SMAP1: variants seen among roughly 807,000 people sequenced by gnomAD.
SMAP1 encodes stromal membrane-associated protein 1.
Under a neutral mutation model 58.5 loss-of-function variants are expected in SMAP1, and 24 were observed. The observed-to-expected ratio is 0.41, with a 90% CI of 0.30 to 0.58. The LOEUF is 0.58. SMAP1 is among the 20% of genes least tolerant of loss of function. The pLI is 0.29. For synonymous variants in SMAP1, 216 were observed against 196.6 expected (o/e 1.10, Z -0.82); for missense variants, 563 against 566.3 (o/e 0.99, Z 0.06).
At chr6:70,743,976 A>G (rs1562128416) in intron 2 of SMAP1, among the ~76,000 whole-genome samples, 1 of 152,280 alleles carries the variant, frequency 6.6e-6, no homozygotes, top group Non-Finnish European at 1.5e-5. Flanking sequence ...ATTATGCCCT[A>G]TATTTTCTTT....
At chr6:70,845,517 GAATAA>G (rs1430076880) in intron 7 of SMAP1, among the ~76,000 whole-genome samples, 2 of 152,166 alleles carry the variant, frequency 1.3e-5, no homozygotes, top group Non-Finnish European at 2.9e-5. Flanking sequence ...AGCTAGAGGA[GAATAA>G]AATAAGTTTA....
chr6:70,752,298 A>T lies in SMAP1; in HGVS notation c.253-2682A>T, dbSNP rs529638982. Among the ~76,000 whole-genome samples, 7 of 152,356 alleles carry T rather than the reference A, an allele frequency of 4.6e-5. No homozygotes were observed. In the East Asian group the frequency reaches 1.3e-3, roughly 29 times the overall value. On this transcript the variant is annotated intron_variant, in intron 2 of 10. Coordinates refer to ENST00000370455, the MANE Select transcript of SMAP1 (RefSeq NM_001044305.3). ...GCTGTTAGTAAGCCCTGCAGGACAT[A>T]GTCCCAGTTCCACTGGATGAAGCCT... is the stretch of plus-strand genomic sequence containing the variant.
Position 70,811,493 on chromosome 6 carries a change from T to G in SMAP1, c.576+12756T>G, listed in dbSNP as rs76672649. 4.7e-3 allele frequency among the ~76,000 whole-genome samples: 718 copies of G among 152,154 alleles called. 2 individuals carry two copies. The highest frequency in any genetic ancestry group is 0.017 in the African/African-American group (694 of 41,500). On this transcript the variant is annotated intron_variant, in intron 6 of 10. Coordinates refer to ENST00000370455, the MANE Select transcript of SMAP1 (RefSeq NM_001044305.3). ...TACGCGATCCTCGGGAGGGCACCGG[T>G]GAGATCAGTCAAGGCTTCCTTTGAA...
chr6:70,731,554 T>A (rs1765433835), intron 1 of SMAP1, among the ~76,000 whole-genome samples: 1 of 152,240 alleles, frequency 6.6e-6, no homozygotes, highest in South Asian at 2.1e-4. Context: ...ACATCCTCTT[T>A]CCTTACCACC....
intron 6 of SMAP1, among the ~76,000 whole-genome samples, chr6:70,821,763 C>G (rs1442341682): frequency 1.3e-5 from 2 of 152,076 alleles, no homozygotes; most frequent in African/African-American, 4.8e-5. Context: ...TGCCCGCAAG[C>G]CTAGAAGAAG....
chr6:70,845,989 A>G (rs1770973277), intron 7 of SMAP1, among the ~76,000 whole-genome samples: 1 of 152,198 alleles, frequency 6.6e-6, no homozygotes, highest in African/African-American at 2.4e-5. Context: ...TGTGTCTATG[A>G]AAACAGAGGA....
intron 4 of SMAP1, among the ~76,000 whole-genome samples, chr6:70,782,838 A>G (rs1767818522): frequency 1.3e-5 from 2 of 152,230 alleles, no homozygotes; most frequent in Non-Finnish European, 2.9e-5. Flanking sequence ...TGTGGAGCCA[A>G]GATGGCTGAA....
chr6:70,859,615 A>T (rs535781846), intron 10 of SMAP1: 26 of 388,282 alleles, frequency 6.7e-5, no homozygotes, highest in Non-Finnish European at 1.1e-4. Context: ...TTTTGGAAGT[A>T]AGAGAATCAC....
At chr6:70,686,609 A>G (rs1476947384) in intron 1 of SMAP1, among the ~76,000 whole-genome samples, 1 of 152,150 alleles carries the variant, frequency 6.6e-6, no homozygotes, top group African/African-American at 2.4e-5. Context: ...TTGCTTTCTT[A>G]TCTTACAGAA....
chr6:70,783,504 G>C (rs900950519), intron 4 of SMAP1, among the ~76,000 whole-genome samples: 3 of 152,124 alleles, frequency 2.0e-5, no homozygotes, highest in African/African-American at 7.2e-5. Context: ...AAACTACTCC[G>C]AGCTACGGGA....
At chr6:70,737,868 C>G (rs1259639121) in intron 2 of SMAP1, among the ~76,000 whole-genome samples, 1 of 152,148 alleles carries the variant, frequency 6.6e-6, no homozygotes, top group Non-Finnish European at 1.5e-5. Flanking sequence ...GATCTCTGTC[C>G]TTTTCACCTC....
rs372729321 is a variant in SMAP1, at chr6:70,856,752, A to G, written c.790-107A>G. The G allele has an allele frequency of 2.8e-4, 334 of 1,177,642 alleles. 7 individuals are homozygous for G. The South Asian group carries it at 5.8e-3, about 20-fold the overall frequency. The allele number at this position is 1,177,642 out of a possible 1,614,324, so 72.9% of individuals were successfully genotyped here. On this transcript the variant is annotated intron_variant, in intron 8 of 10. Coordinates refer to ENST00000370455, the MANE Select transcript of SMAP1 (RefSeq NM_001044305.3). Reference sequence around the variant, plus strand: ...GAATGGCACCATTTTACCTTCTACAATTGTTTGATTCCTATCTAATTTTAT... The same window carrying G: ...GAATGGCACCATTTTACCTTCTACAGTTGTTTGATTCCTATCTAATTTTAT...
intron 6 of SMAP1, among the ~76,000 whole-genome samples, chr6:70,835,085 T>TA (rs371546229): frequency 2.9e-3 from 396 of 137,956 alleles, no homozygotes; most frequent in Admixed American, 4.7e-3. Flanking sequence ...CTGTTTCTAC[T>TA]AAAAAAAAAA....
chr6:70,834,879 G>A lies in SMAP1; in HGVS notation c.577-2062G>A, dbSNP rs527639827. On this transcript the variant is annotated intron_variant, in intron 6 of 10. Transcript: ENST00000370455. ...AGAGGTTGAAAAGTGAAAGAATAGA[G>A]AATGTGAAATGGATTATGTTAAACT... Among the ~76,000 whole-genome samples the A allele has an allele frequency of 2.0e-5, 3 of 152,300 alleles. No homozygotes were observed. In the East Asian group the frequency reaches 5.8e-4, roughly 29 times the overall value.
intron 1 of SMAP1, among the ~76,000 whole-genome samples, chr6:70,699,966 A>C (rs937022336): frequency 2.0e-5 from 3 of 151,790 alleles, no homozygotes; most frequent in Admixed American, 2.0e-4. Flanking sequence ...CCTCAAGCAG[A>C]AGGTGATATG....
chr6:70,706,392 G>A (rs545446502), intron 1 of SMAP1, among the ~76,000 whole-genome samples: 4 of 152,206 alleles, frequency 2.6e-5, no homozygotes, highest in South Asian at 2.1e-4. Context: ...AGTGAAGATC[G>A]TGTTTGTTAA....
chr6:70,806,298 G>T (rs750614857), intron 6 of SMAP1, among the ~76,000 whole-genome samples: 1 of 152,244 alleles, frequency 6.6e-6, no homozygotes, highest in Non-Finnish European at 1.5e-5. Context: ...CTCTGTGAGC[G>T]TGGGACCTGC....
intron 4 of SMAP1, among the ~76,000 whole-genome samples, chr6:70,780,384 T>C (rs1767713695): frequency 6.6e-6 from 1 of 152,118 alleles, no homozygotes; most frequent in African/African-American, 2.4e-5. Flanking sequence ...GAGACCAGTT[T>C]GGGTAACATG....
intron 2 of SMAP1, among the ~76,000 whole-genome samples, chr6:70,738,395 T>G (rs569196568): frequency 1.4e-4 from 22 of 152,042 alleles, no homozygotes; most frequent in Admixed American, 3.9e-4. Context: ...TAAGACAGAT[T>G]TTTTTTTCTG....
Sources: gnomAD v4.1 joint callset for allele counts (sites outside exome capture counted in the v4.1 genomes callset) on GRCh38, gnomAD v4.1.1 for gene constraint, MANE v1.5 for transcripts, NCBI Gene and HGNC (gene_info 2026-07-23, HGNC 2026-07-21) for gene names.